Variants in ENTREP2 observed in about 807,000 individuals in gnomAD.
ENTREP2 encodes endosomal transmembrane epsin interactor 2.
chr15:29,474,310 A>T, the ENTREP2 span, among the ~76,000 whole-genome samples: 1 of 152,170 alleles, frequency 6.6e-6, no homozygotes, highest in Non-Finnish European at 1.5e-5. Context: ...CCCAAGTCTC[A>T]GAAAGGCTGC....
At chr15:29,118,460 T>C in the ENTREP2 span, 1 of 152,258 alleles carries the variant, frequency 6.6e-6, no homozygotes, top group Non-Finnish European at 1.5e-5. Flanking sequence ...CCTTGGAAGC[T>C]GTCACTAATG....
chr15:29,337,217 G>A, the ENTREP2 span, among the ~76,000 whole-genome samples: 2 of 152,172 alleles, frequency 1.3e-5, no homozygotes, highest in Non-Finnish European at 2.9e-5. Flanking sequence ...ATGTGGAAAT[G>A]CTAAGGGAAA....
At chr15:29,623,265 G>A in the ENTREP2 span, among the ~76,000 whole-genome samples, 1 of 152,178 alleles carries the variant, frequency 6.6e-6, no homozygotes. Flanking sequence ...GGAAAAGCTT[G>A]GCACCCCCAT....
At chr15:29,653,771 C>A in the ENTREP2 span, among the ~76,000 whole-genome samples, 1 of 152,204 alleles carries the variant, frequency 6.6e-6, no homozygotes, top group Non-Finnish European at 1.5e-5. Flanking sequence ...TGGACTAATA[C>A]ACACACCAAC....
At chr15:29,124,575 CG>C in the ENTREP2 span, 3 of 863,846 alleles carry the variant, frequency 3.5e-6, no homozygotes, top group South Asian at 1.6e-5. Flanking sequence ...CCCCCATTCC[CG>C]GGGGTGGGGT....
At chr15:29,566,680 C>T in the ENTREP2 span, among the ~76,000 whole-genome samples, 1 of 152,144 alleles carries the variant, frequency 6.6e-6, no homozygotes, top group Admixed American at 6.5e-5. Flanking sequence ...TGGTCTCCAA[C>T]TCCTGACTTC....
chr15:29,269,884 C>T, the ENTREP2 span: 18 of 576,518 alleles, frequency 3.1e-5, no homozygotes, highest in African/African-American at 6.0e-5. Context: ...GCCTGCGCGG[C>T]TGCGGCGGGT....
At chr15:29,635,392 A>G in the ENTREP2 span, among the ~76,000 whole-genome samples, 1 of 152,068 alleles carries the variant, frequency 6.6e-6, no homozygotes, top group Non-Finnish European at 1.5e-5. Context: ...GGTTCACAAT[A>G]TCACAGGGGC....
chr15:29,282,896 C>T, the ENTREP2 span, among the ~76,000 whole-genome samples: 2 of 152,202 alleles, frequency 1.3e-5, no homozygotes, highest in African/African-American at 4.8e-5. Context: ...AGCCTCGGGC[C>T]AACCAGCCAG....
chr15:29,333,143 G>A, the ENTREP2 span, among the ~76,000 whole-genome samples: 1 of 152,098 alleles, frequency 6.6e-6, no homozygotes, highest in East Asian at 1.9e-4. Context: ...CCCACTGGAG[G>A]TCACATAGAG....
chr15:29,223,466 T>C, the ENTREP2 span, among the ~76,000 whole-genome samples: 2 of 152,206 alleles, frequency 1.3e-5, no homozygotes, highest in South Asian at 2.1e-4. Flanking sequence ...CCTGTGAGCC[T>C]GTTCCTTCGT....
chr15:29,339,401 C>T, the ENTREP2 span, among the ~76,000 whole-genome samples: 1 of 152,320 alleles, frequency 6.6e-6, no homozygotes, highest in East Asian at 1.9e-4. Flanking sequence ...TGGGGACAGA[C>T]AGGCATGATA....
the ENTREP2 span, among the ~76,000 whole-genome samples, chr15:29,152,353 T>C: frequency 1.7e-4 from 26 of 152,206 alleles, no homozygotes; most frequent in African/African-American, 4.8e-4. Flanking sequence ...GGATGCAGAA[T>C]AGTCCCATCA....
chr15:29,536,501 G>A, the ENTREP2 span, among the ~76,000 whole-genome samples: 1 of 151,932 alleles, frequency 6.6e-6, no homozygotes, highest in South Asian at 2.1e-4. Context: ...CTACTCAGGA[G>A]GCTGAGGCAG....
chr15:29,580,768 G>A, the ENTREP2 span, among the ~76,000 whole-genome samples: 2 of 152,078 alleles, frequency 1.3e-5, no homozygotes, highest in Non-Finnish European at 2.9e-5. Flanking sequence ...CTCAAATATG[G>A]TATAATAACT....
the ENTREP2 span, among the ~76,000 whole-genome samples, chr15:29,235,673 T>A: frequency 6.6e-6 from 1 of 152,086 alleles, no homozygotes; most frequent in African/African-American, 2.4e-5. Flanking sequence ...GGAAACTAGA[T>A]AAAGAAGAGC....
chr15:29,433,827 G>A, the ENTREP2 span, among the ~76,000 whole-genome samples: 1,090 of 149,848 alleles, frequency 7.3e-3, 11 homozygotes, highest in Non-Finnish European at 0.012. Flanking sequence ...TAGGATCTGT[G>A]CATTCTCCTT....
At chr15:29,266,465 T>TC in the ENTREP2 span, 1 of 152,204 alleles carries the variant, frequency 6.6e-6, no homozygotes, top group Admixed American at 6.5e-5. Flanking sequence ...AGAAGTACTG[T>TC]ACAATGCCTG....
the ENTREP2 span, among the ~76,000 whole-genome samples, chr15:29,660,096 C>T: frequency 6.6e-6 from 1 of 152,188 alleles, no homozygotes; most frequent in Non-Finnish European, 1.5e-5. Flanking sequence ...GCCACCACAC[C>T]CAGCCACCAC....
Sources: gnomAD v4.1 joint callset for allele counts (sites outside exome capture counted in the v4.1 genomes callset) on GRCh38, gnomAD v4.1.1 for gene constraint, MANE v1.5 for transcripts, NCBI Gene and HGNC (gene_info 2026-07-23, HGNC 2026-07-21) for gene names.